The following AIMP2 variants were observed in gnomAD, a reference collection of about 807,000 sequenced individuals.
AIMP2 encodes aminoacyl tRNA synthase complex-interacting multifunctional protein 2.
Under a neutral mutation model 23.4 loss-of-function variants are expected in AIMP2, and 20 were observed. The ratio of observed to expected loss-of-function variants is 0.85; its 90% CI spans 0.60 to 1.24. AIMP2 has a LOEUF of 1.24. Ranked by LOEUF, AIMP2 falls within the 50% of genes most tolerant of loss-of-function variation. AIMP2 has a pLI of 0.00. For missense variants in AIMP2, 515 were observed against 414.5 expected (o/e 1.24, Z -2.10); for synonymous variants, 210 against 170.4 (o/e 1.23, Z -1.81).
chr7:6,017,801 G>A lies in AIMP2; in HGVS notation c.343-13G>A, dbSNP rs1438812172. 4 of 1,608,410 alleles carry A rather than the reference G, an allele frequency of 2.5e-6. No individual in the cohort carries two copies. Among genetic ancestry groups the A allele is most frequent in the Non-Finnish European group, 3.4e-6 (4 of 1,176,354 alleles). ...ATGACTGTTATTCGTACATTGTCTT[G>A]GTCTTTCCCCAGGATTACGGGGCGC... is the stretch of plus-strand genomic sequence containing the variant. On this transcript the variant is annotated splice_polypyrimidine_tract_variant and intron_variant, in intron 2 of 3. Transcript: ENST00000223029.
intron 3 of AIMP2, chr7:6,022,641 G>C (rs1442542558): frequency 6.6e-6 from 1 of 152,158 alleles, no homozygotes; most frequent in African/African-American, 2.4e-5. Flanking sequence ...AGATGCCCTT[G>C]TTCGTCTGCA....
At chr7:6,012,934 T>G in intron 1 of AIMP2, 4 of 989,670 alleles carry the variant, frequency 4.0e-6, no homozygotes, top group Non-Finnish European at 4.8e-6. Flanking sequence ...CGTTTGATCT[T>G]AAATAAGAGC....
At position 6,017,980 on chromosome 7, in the gene AIMP2, G is replaced by T. The variant is rs141537839; in HGVS notation, c.509G>T (p.Gly170Val). 1.3e-5 allele frequency: 21 copies of T among 1,613,838 alleles called. No individual in the cohort carries two copies. In the African/African-American group the frequency reaches 2.8e-4, roughly 22 times the overall value. The change falls in exon 3 of 4, where the codon GGA becomes GTA. Residue 170 changes from glycine (G) to valine (V), a missense_variant. Gly to Val is a moderately radical substitution (Grantham distance 109). Transcript: ENST00000223029. Reference sequence around the variant, plus strand: ...CCTGAAAACCTTCTCAAGTGCTTTGGAGAACAGAATAAAAAACAGCCCCGC... The same window carrying T: ...CCTGAAAACCTTCTCAAGTGCTTTGTAGAACAGAATAAAAAACAGCCCCGC... ...SVPENLLKCF[G>V]EQNKKQPRQD...
intron 3 of AIMP2, among the ~76,000 whole-genome samples, chr7:6,021,091 C>A (rs1025922526): frequency 6.6e-6 from 1 of 152,102 alleles, no homozygotes. Context: ...TGCAGGCACT[C>A]AGAGCCCCAC....
rs1371804078 is a variant in AIMP2, at chr7:6,017,811, C to T, written c.343-3C>T. On this transcript the variant is annotated splice_polypyrimidine_tract_variant and splice_region_variant and intron_variant, in intron 2 of 3. Coordinates refer to ENST00000223029, the MANE Select transcript of AIMP2 (RefSeq NM_006303.4). ...TTCGTACATTGTCTTGGTCTTTCCCCAGGATTACGGGGCGCTGAAAGACAT... is the reference window on the plus strand; with the variant it reads ...TTCGTACATTGTCTTGGTCTTTCCCTAGGATTACGGGGCGCTGAAAGACAT... The T allele has an allele frequency of 6.2e-7, 1 of 1,611,794 alleles. No individual in the cohort carries two copies. Among genetic ancestry groups the T allele is most frequent in the East Asian group, 2.2e-5 (1 of 44,774 alleles).
chr7:6,012,498 G>T (rs1051089956), intron 1 of AIMP2, among the ~76,000 whole-genome samples: 18 of 152,040 alleles, frequency 1.2e-4, no homozygotes, highest in Non-Finnish European at 2.1e-4. Context: ...TGCACTCAGG[G>T]CTTAAAAATC....
chr7:6,021,055 T>C (rs1210623286), intron 3 of AIMP2, among the ~76,000 whole-genome samples: 3 of 152,242 alleles, frequency 2.0e-5, no homozygotes, highest in African/African-American at 4.8e-5. Context: ...GCCAGTAAGG[T>C]ACACCTTTTT....
At chr7:6,015,617 G>A (rs1357167005) in intron 2 of AIMP2, among the ~76,000 whole-genome samples, 1 of 152,168 alleles carries the variant, frequency 6.6e-6, no homozygotes, top group African/African-American at 2.4e-5. Context: ...CCAGCTACTC[G>A]GGAGGCTGAG....
rs974384842 is a variant in AIMP2, at chr7:6,009,583, C to T, written c.135+85C>T. ...TCCCCCCAGGCCGGAGCGAGCGCGTCCCAACCGGTTCACGGCCCCACCCCG... is the reference window on the plus strand; with the variant it reads ...TCCCCCCAGGCCGGAGCGAGCGCGTTCCAACCGGTTCACGGCCCCACCCCG... On this transcript the variant is annotated intron_variant, in intron 1 of 3. Coordinates refer to ENST00000223029, the MANE Select transcript of AIMP2 (RefSeq NM_006303.4). 11 of 1,262,372 alleles carry T rather than the reference C, an allele frequency of 8.7e-6. No individual in the cohort carries two copies. In the African/African-American group the frequency reaches 9.5e-5, roughly 11 times the overall value. 78.2% of individuals were successfully genotyped at this position (1,262,372 alleles called of 1,614,324 possible). A position where few individuals can be genotyped will look rare whatever the true frequency, so the allele number is the denominator to read the frequency against.
intron 2 of AIMP2, among the ~76,000 whole-genome samples, chr7:6,016,722 G>C (rs937622299): frequency 3.3e-5 from 5 of 152,208 alleles, no homozygotes; most frequent in Non-Finnish European, 5.9e-5. Flanking sequence ...GAACTGCAAG[G>C]CATTCTGCCT....
At position 6,009,298 on chromosome 7, in the gene AIMP2, T is replaced by C; in HGVS notation, c.-66T>C. On this transcript the variant is annotated 5_prime_UTR_variant, in exon 1 of 4. Transcript: ENST00000223029. The stretch of plus-strand genomic sequence containing the variant: ...GAAGGGAGGTGGCCGGTCTCCGTCG[T>C]GACCTCTGACGGTTTCTGAGCGTTG... The C allele has an allele frequency of 6.2e-7, 1 of 1,610,422 alleles. No homozygotes were observed. Among genetic ancestry groups the C allele is most frequent in the Non-Finnish European group, 8.5e-7 (1 of 1,179,378 alleles).
At chr7:6,020,902 A>G (rs1229558122) in intron 3 of AIMP2, among the ~76,000 whole-genome samples, 1 of 152,182 alleles carries the variant, frequency 6.6e-6, no homozygotes, top group African/African-American at 2.4e-5. Flanking sequence ...GCGAGCTCTT[A>G]CCTATAAAAC....
At chr7:6,014,700 A>G (rs534020808) in intron 1 of AIMP2, among the ~76,000 whole-genome samples, 21 of 151,914 alleles carry the variant, frequency 1.4e-4, no homozygotes, top group Middle Eastern at 3.4e-3. Context: ...CTTGCATCCC[A>G]TAATGTCTTC....
chr7:6,014,710 CTTT>C (rs1003792721), intron 1 of AIMP2, among the ~76,000 whole-genome samples: 2 of 151,670 alleles, frequency 1.3e-5, no homozygotes, highest in Non-Finnish European at 2.9e-5. Flanking sequence ...ATAATGTCTT[CTTT>C]TATTTTTTTT....
At chr7:6,015,402 G>A (rs1786963992) in intron 2 of AIMP2, 50 bp downstream of exon 2, 2 of 1,586,390 alleles carry the variant, frequency 1.3e-6, no homozygotes, top group Non-Finnish European at 8.6e-7. Flanking sequence ...AGTGGTTAGT[G>A]CAGGGAAATT....
At chr7:6,018,428 G>A (rs1002010672) in intron 3 of AIMP2, among the ~76,000 whole-genome samples, 1 of 151,344 alleles carries the variant, frequency 6.6e-6, no homozygotes, top group Non-Finnish European at 1.5e-5. Context: ...GATTACAGGC[G>A]TGAGCCACCA....
chr7:6,018,928 T>C (rs916795972), intron 3 of AIMP2, among the ~76,000 whole-genome samples: 18 of 151,386 alleles, frequency 1.2e-4, no homozygotes, highest in African/African-American at 4.1e-4. Flanking sequence ...ACACAAAATA[T>C]ACACAAATCT....
chr7:6,023,631 G>A lies in AIMP2; in HGVS notation c.903G>A (p.Arg301=). The change falls in exon 4 of 4, where the codon AGG becomes AGA. Residue 301 remains arginine, a synonymous_variant. Coordinates refer to ENST00000223029, the MANE Select transcript of AIMP2 (RefSeq NM_006303.4). ...TGACAGTGCCAGCCAATGTGCAGAG[G>A]TGGATGAGGTCTTGTGAAAACCTGG... ...CSVTVPANVQ[R]WMRSCENLAP... is the part of the protein sequence containing the mutation. 1 of 1,614,202 alleles carries A rather than the reference G, an allele frequency of 6.2e-7. No homozygotes were observed. Among genetic ancestry groups the A allele is most frequent in the Non-Finnish European group, 8.5e-7 (1 of 1,180,040 alleles).
chr7:6,014,070 A>C (rs1317278017), intron 1 of AIMP2, among the ~76,000 whole-genome samples: 2 of 152,106 alleles, frequency 1.3e-5, no homozygotes, highest in East Asian at 1.9e-4. Flanking sequence ...TATTTGTATA[A>C]ATTACTCAGT....
Sources: allele counts gnomAD v4.1 joint callset (sites outside exome capture counted in the v4.1 genomes callset), GRCh38; gene constraint gnomAD v4.1.1; transcripts MANE v1.5; gene names NCBI Gene and HGNC (gene_info 2026-07-23, HGNC 2026-07-21).